The following DNAJC3 variants were observed in gnomAD, a reference collection of about 807,000 sequenced individuals.
DNAJC3 encodes the protein DnaJ heat shock protein family (Hsp40) member C3, also known as dnaJ homolog subfamily C member 3.
Under a neutral mutation model 68.6 loss-of-function variants are expected in DNAJC3, and 38 were observed. The observed-to-expected ratio is 0.55, with a 90% CI of 0.43 to 0.73. DNAJC3 has a LOEUF of 0.73. Ranked by LOEUF, DNAJC3 falls within the 30% of genes least tolerant of loss-of-function variation. The pLI is 0.00. For synonymous variants in DNAJC3, 203 were observed against 204.0 expected, an observed-to-expected ratio of 1.00 and a Z score of 0.04; for missense variants, 526 against 591.9, an observed-to-expected ratio of 0.89 and a Z score of 1.16.
In DNAJC3 at chr13:95,724,567, G is replaced by A. The variant is rs775015495; in HGVS notation, c.319-611G>A. The stretch of plus-strand genomic sequence containing the variant: ...ACTTACCCTTTAAAAGTATTCAGTG[G>A]TTTTTAGTATATTCACAAGTTGTGC... On this transcript the variant is annotated intron_variant, in intron 3 of 11. Coordinates refer to ENST00000602402, the MANE Select transcript of DNAJC3 (RefSeq NM_006260.5). 1.0e-3 allele frequency among the ~76,000 whole-genome samples: 155 copies of A among 152,120 alleles called. 3 individuals are homozygous for A. The highest frequency in any genetic ancestry group is 2.8e-4 in the Non-Finnish European group (19 of 68,008).
intron 9 of DNAJC3, among the ~76,000 whole-genome samples, chr13:95,767,874 T>TC (rs202011630): frequency 1.3e-5 from 2 of 151,322 alleles, no homozygotes; most frequent in Non-Finnish European, 2.9e-5. Context: ...CTTTTTTTTT[T>TC]CCGTATTTTT....
intron 2 of DNAJC3, among the ~76,000 whole-genome samples, chr13:95,721,951 G>C (rs1881335979): frequency 6.6e-6 from 1 of 152,138 alleles, no homozygotes; most frequent in Non-Finnish European, 1.5e-5. Flanking sequence ...AGAACTTTAG[G>C]AGTAGAACTT....
Position 95,792,913 on chromosome 13 carries a change from G to C in DNAJC3, c.*1883G>C, listed in dbSNP as rs1443523925. ...CTACTTTGAAAAGAATTTTCACATAGAGTCAGAAAAAAAAGGAAATATCAA... is the reference window on the plus strand; with the variant it reads ...CTACTTTGAAAAGAATTTTCACATACAGTCAGAAAAAAAAGGAAATATCAA... On this transcript the variant is annotated 3_prime_UTR_variant, in exon 12 of 12. Transcript: ENST00000602402. 2.6e-5 allele frequency: 4 copies of C among 152,034 alleles called. No homozygotes were observed. Among genetic ancestry groups the C allele is most frequent in the Non-Finnish European group, 5.9e-5 (4 of 68,010 alleles). The allele number at this position is 152,034 out of a possible 1,614,324, so 9.4% of individuals were successfully genotyped here. A position where few individuals can be genotyped will look rare whatever the true frequency, so the allele number is the denominator to read the frequency against.
intron 9 of DNAJC3, among the ~76,000 whole-genome samples, chr13:95,781,897 T>C (rs1274854899): frequency 2.0e-5 from 3 of 152,086 alleles, no homozygotes; most frequent in African/African-American, 4.8e-5. Flanking sequence ...GGTGATTTGC[T>C]GCACCCATCA....
At chr13:95,785,475 T>C (rs1187665118) in intron 9 of DNAJC3, among the ~76,000 whole-genome samples, 2 of 133,800 alleles carry the variant, frequency 1.5e-5, no homozygotes, top group South Asian at 4.9e-4. Flanking sequence ...TTTTTTTTTT[T>C]TGAGACGGAA....
intron 1 of DNAJC3, among the ~76,000 whole-genome samples, chr13:95,683,637 C>A (rs1217607099): frequency 6.6e-6 from 1 of 152,054 alleles, no homozygotes; most frequent in Non-Finnish European, 1.5e-5. Flanking sequence ...TATAAATTAC[C>A]CAGTTCCGGC....
At chr13:95,678,842 C>T (rs12430692) in intron 1 of DNAJC3, among the ~76,000 whole-genome samples, 2,818 of 152,154 alleles carry the variant, frequency 0.019, 121 homozygotes, top group Admixed American at 0.1. Flanking sequence ...CTTCATTTCC[C>T]TCCTGTGGTA....
At chr13:95,692,609 C>T (rs1230103631) in intron 1 of DNAJC3, 1 of 152,144 alleles carries the variant, frequency 6.6e-6, no homozygotes, top group Non-Finnish European at 1.5e-5. Flanking sequence ...TTCTGCTCAT[C>T]TGCTTCTATC....
At chr13:95,746,396 C>G (rs1882308304) in intron 4 of DNAJC3, among the ~76,000 whole-genome samples, 1 of 152,124 alleles carries the variant, frequency 6.6e-6, no homozygotes, top group Admixed American at 6.5e-5. Flanking sequence ...AAAGTGTAGA[C>G]TTTATACATT....
In DNAJC3 at chr13:95,790,865, C is replaced by G. The variant is rs371796110; in HGVS notation, c.1358-8C>G. ...TATCTGGTTCTTAATTTTCTGATTT[C>G]TTTCTAGAAATGAGAAAGAAGTTTG... is the stretch of plus-strand genomic sequence containing the variant. On this transcript the variant is annotated splice_polypyrimidine_tract_variant and splice_region_variant and intron_variant, in intron 11 of 11. Transcript: ENST00000602402. 6.7e-7 allele frequency: 1 copy of G among 1,501,212 alleles called. No homozygotes were observed. The highest frequency in any genetic ancestry group is 1.1e-5 in the South Asian group (1 of 88,096). The allele number at this position is 1,501,212 out of a possible 1,614,324, so 93.0% of individuals were successfully genotyped here. A position where few individuals can be genotyped will look rare whatever the true frequency, so the allele number is the denominator to read the frequency against.
chr13:95,725,657 CTT>C (rs58829512), intron 4 of DNAJC3, among the ~76,000 whole-genome samples: 2 of 144,460 alleles, frequency 1.4e-5, no homozygotes, highest in African/African-American at 2.5e-5. Context: ...GAAACAGATT[CTT>C]TTTTTTTTTC....
At chr13:95,756,443 CAAAATAGAATAGCT>C (rs1360145945) in intron 4 of DNAJC3, among the ~76,000 whole-genome samples, 14 of 152,086 alleles carry the variant, frequency 9.2e-5, no homozygotes, top group East Asian at 3.9e-4. Context: ...TTAAAACAGA[CAAAATAGAATAGCT>C]AAAATAGAAT....
At chr13:95,722,812 T>TCCCCCCCCCCCCCCCCCC (rs1881367824) in intron 2 of DNAJC3, among the ~76,000 whole-genome samples, 1 of 16,838 alleles carries the variant, frequency 5.9e-5, no homozygotes, top group Non-Finnish European at 1.0e-4. Flanking sequence ...AGACACCTTG[T>TCCCCCCCCCCCCCCCCCC]CCGCCCCCCC....
intron 9 of DNAJC3, among the ~76,000 whole-genome samples, chr13:95,770,901 A>G (rs1413808215): frequency 6.6e-6 from 1 of 152,142 alleles, no homozygotes; most frequent in Non-Finnish European, 1.5e-5. Flanking sequence ...TTTTATTTTC[A>G]TTGTTTATAT....
chr13:95,774,434 C>T (rs1236970724), intron 9 of DNAJC3, among the ~76,000 whole-genome samples: 1 of 152,056 alleles, frequency 6.6e-6, no homozygotes, highest in East Asian at 1.9e-4. Context: ...TTTATTTAGG[C>T]TTGTTTTGTG....
intron 9 of DNAJC3, among the ~76,000 whole-genome samples, chr13:95,776,509 GTTAGTTTAGCACAT>G (rs1255262303): frequency 6.6e-6 from 1 of 152,130 alleles, no homozygotes; most frequent in East Asian, 1.9e-4. Flanking sequence ...TTTTAAATAG[GTTAGTTTAGCACAT>G]TTGCATTGAT....
chr13:95,690,646 G>A (rs1318557756), intron 1 of DNAJC3, among the ~76,000 whole-genome samples: 16 of 141,022 alleles, frequency 1.1e-4, no homozygotes, highest in African/African-American at 2.8e-4. Flanking sequence ...CGGACGGGGC[G>A]GCTGGCCGGG....
At chr13:95,752,331 T>A (rs1163841708) in intron 4 of DNAJC3, among the ~76,000 whole-genome samples, 2 of 152,216 alleles carry the variant, frequency 1.3e-5, no homozygotes, top group Non-Finnish European at 2.9e-5. Context: ...ATTTTTTGTG[T>A]AAAAATAACT....
At chr13:95,681,494 G>T (rs1213042391) in intron 1 of DNAJC3, among the ~76,000 whole-genome samples, 1 of 152,064 alleles carries the variant, frequency 6.6e-6, no homozygotes, top group Non-Finnish European at 1.5e-5. Context: ...GGGACCACAG[G>T]TATGCACCAC....
Sources: allele counts gnomAD v4.1 joint callset (sites outside exome capture counted in the v4.1 genomes callset), GRCh38; gene constraint gnomAD v4.1.1; transcripts MANE v1.5; gene names NCBI Gene and HGNC (gene_info 2026-07-23, HGNC 2026-07-21).